SKI: variants seen among roughly 807,000 people sequenced by gnomAD.
SKI encodes the protein ski oncogene.
In SKI, 23 loss-of-function variants were observed where a neutral mutation model predicts 59.3. The observed-to-expected ratio is 0.39, with a 90% confidence interval of 0.28 to 0.55. SKI has a LOEUF of 0.55. Among genes scored for constraint, SKI ranks in the 20% least tolerant of loss-of-function variants. SKI has a pLI of 0.67. For synonymous variants in SKI, 673 were observed against 488.6 expected (o/e 1.38, Z -4.98); for missense variants, 1,017 against 1,038.9 (o/e 0.98, Z 0.29).
chr1:2,244,682 T>G (rs986084633), intron 1 of SKI, among the ~76,000 whole-genome samples: 6 of 152,230 alleles, frequency 3.9e-5, no homozygotes, highest in Non-Finnish European at 8.8e-5. Flanking sequence ...TGCTTTTTGG[T>G]GGGTTGATTG....
chr1:2,255,369 A>G (rs546466469), intron 1 of SKI, among the ~76,000 whole-genome samples: 1 of 152,368 alleles, frequency 6.6e-6, no homozygotes, highest in Admixed American at 6.5e-5. Context: ...TTGGCTGATT[A>G]ATATGACTGA....
intron 1 of SKI, among the ~76,000 whole-genome samples, chr1:2,249,826 A>G (rs1327565126): frequency 6.6e-6 from 1 of 152,118 alleles, no homozygotes; most frequent in Non-Finnish European, 1.5e-5. Context: ...ATGTTTTTAC[A>G]GTTGGAGAGT....
rs1352618574 is a variant in SKI, at chr1:2,307,062, G to C, written c.*297G>C. 9.0e-6 allele frequency: 2 copies of C among 222,788 alleles called. No individual in the cohort carries two copies. Among genetic ancestry groups the C allele is most frequent in the African/African-American group, 4.7e-5 (2 of 43,010 alleles). The allele number at this position is 222,788 out of a possible 1,614,324, so 13.8% of individuals were successfully genotyped here. ...TCTAACATTTACACTTTTGTTATAA[G>C]CTATTTAAAACCAGTAAGGAGACTT... is the stretch of plus-strand genomic sequence containing the variant. On this transcript the variant is annotated 3_prime_UTR_variant, in exon 7 of 7. Transcript: ENST00000378536.
chr1:2,279,925 A>G (rs919529722), intron 1 of SKI, among the ~76,000 whole-genome samples: 1 of 152,164 alleles, frequency 6.6e-6, no homozygotes, highest in African/African-American at 2.4e-5. Context: ...TCCTTGTGAC[A>G]TGTCAGGCAG....
chr1:2,283,892 T>C (rs1639973121), intron 1 of SKI, among the ~76,000 whole-genome samples: 2 of 152,208 alleles, frequency 1.3e-5, no homozygotes, highest in Non-Finnish European at 2.9e-5. Flanking sequence ...GCAGCAAAGC[T>C]GACCCGCTGG....
chr1:2,236,141 C>T (rs1296737315), intron 1 of SKI, among the ~76,000 whole-genome samples: 1 of 152,192 alleles, frequency 6.6e-6, no homozygotes, highest in East Asian at 1.9e-4. Flanking sequence ...GGCTGGCACA[C>T]CTGGCGGCCT....
intron 1 of SKI, among the ~76,000 whole-genome samples, chr1:2,256,792 A>G (rs1339320497): frequency 6.6e-6 from 1 of 152,034 alleles, no homozygotes; most frequent in East Asian, 1.9e-4. Flanking sequence ...AGCTTTCAGA[A>G]CCTCCTCTTA....
intron 1 of SKI, among the ~76,000 whole-genome samples, chr1:2,284,399 C>G (rs904671436): frequency 6.6e-6 from 1 of 152,206 alleles, no homozygotes; most frequent in Non-Finnish European, 1.5e-5. Flanking sequence ...CGGAGCTGCC[C>G]TCAGACCTCT....
At position 2,304,094 on chromosome 1, in the gene SKI, G is replaced by T. The variant is rs530007354; in HGVS notation, c.1466G>T (p.Arg489Met). 1 of 1,612,442 alleles carries T rather than the reference G, an allele frequency of 6.2e-7. No individual in the cohort carries two copies. The highest frequency in any genetic ancestry group is 8.5e-7 in the Non-Finnish European group (1 of 1,179,904). Residue 489 changes from arginine to methionine, a missense_variant, in exon 4 of 7, where the codon AGG becomes ATG. Arg to Met is a moderately conservative substitution (Grantham distance 91, BLOSUM62 -1). Coordinates refer to ENST00000378536, the MANE Select transcript of SKI (RefSeq NM_003036.4). ...DSEAEVEVESREEFTSSLSSL... is the reference protein window; with the variant it reads ...DSEAEVEVESMEEFTSSLSSL... ...GAGGCGGAGGTGGAAGTTGAAAGCA[G>T]GGAGGAATGTACGTGTGAGTCGCTT...
At chr1:2,305,151 C>T (rs576543712) in intron 5 of SKI, among the ~76,000 whole-genome samples, 1 of 152,354 alleles carries the variant, frequency 6.6e-6, no homozygotes, top group Non-Finnish European at 1.5e-5. Context: ...ACACACCCAC[C>T]TGCACACGCT....
chr1:2,249,243 G>T (rs985698569), intron 1 of SKI, among the ~76,000 whole-genome samples: 4 of 152,208 alleles, frequency 2.6e-5, no homozygotes, highest in African/African-American at 9.6e-5. Flanking sequence ...GGTCCACAGG[G>T]CCCCTTGCCT....
intron 1 of SKI, among the ~76,000 whole-genome samples, chr1:2,260,535 C>CTTTTTTTTT (rs3065260): frequency 0.023 from 1,557 of 67,632 alleles, 77 homozygotes; most frequent in East Asian, 0.038. Flanking sequence ...TGTTCTTTTT[C>CTTTTTTTTT]TTTTTTTTTT....
At chr1:2,239,948 C>T (rs921345059) in intron 1 of SKI, among the ~76,000 whole-genome samples, 2 of 152,218 alleles carry the variant, frequency 1.3e-5, no homozygotes, top group Admixed American at 6.5e-5. Context: ...CACCCCTGTT[C>T]GGTTCCCTGA....
At chr1:2,240,562 A>G (rs1638848317) in intron 1 of SKI, 1 of 985,414 alleles carries the variant, frequency 1.0e-6, no homozygotes, top group Admixed American at 6.1e-5. Context: ...TCCTGGGGCC[A>G]TCGAGGCTCC....
chr1:2,289,503 G>C (rs1268824399), intron 1 of SKI, among the ~76,000 whole-genome samples: 2 of 143,370 alleles, frequency 1.4e-5, no homozygotes, highest in Non-Finnish European at 3.1e-5. Context: ...TCGTGGGGGT[G>C]GGGGGGTGCA....
chr1:2,279,055 T>G (rs980612790), intron 1 of SKI, among the ~76,000 whole-genome samples: 4 of 152,146 alleles, frequency 2.6e-5, no homozygotes, highest in African/African-American at 7.2e-5. Context: ...GCTCGGGGGC[T>G]TGGTGGCTGC....
intron 1 of SKI, among the ~76,000 whole-genome samples, chr1:2,279,662 C>T (rs1418200747): frequency 6.6e-6 from 1 of 152,000 alleles, no homozygotes; most frequent in Non-Finnish European, 1.5e-5. Flanking sequence ...TTCTCCTGCC[C>T]ACCCAGGCAC....
At chr1:2,252,219 G>A (rs1639167814) in intron 1 of SKI, among the ~76,000 whole-genome samples, 1 of 152,208 alleles carries the variant, frequency 6.6e-6, no homozygotes, top group African/African-American at 2.4e-5. Context: ...CAAAAGTCTT[G>A]TAAAGAACGG....
chr1:2,274,834 A>G (rs770964418), intron 1 of SKI, among the ~76,000 whole-genome samples: 2 of 152,156 alleles, frequency 1.3e-5, no homozygotes, highest in Non-Finnish European at 1.5e-5. Context: ...TGCTGCAGTC[A>G]TCTTCAGTCA....
Sources: allele counts gnomAD v4.1 joint callset (sites outside exome capture counted in the v4.1 genomes callset), GRCh38; gene constraint gnomAD v4.1.1; transcripts MANE v1.5; gene names NCBI Gene and HGNC (gene_info 2026-07-23, HGNC 2026-07-21).